The following DLG2 variants were observed in gnomAD, a reference collection of about 807,000 sequenced individuals.
DLG2 encodes disks large homolog 2.
In DLG2, 45 loss-of-function variants were observed where a neutral mutation model predicts 132.5. The observed-to-expected ratio is 0.34, with a 90% confidence interval of 0.27 to 0.44. The LOEUF (loss-of-function observed/expected upper bound fraction) is 0.44. Ranked by LOEUF, DLG2 falls within the 20% of genes least tolerant of loss-of-function variation. The pLI is 1.00. For missense variants in DLG2, 1,045 were observed against 1,196.9 expected, an observed-to-expected ratio of 0.87 and a Z score of 1.87; for synonymous variants, 424 against 419.6, an observed-to-expected ratio of 1.01 and a Z score of -0.13.
At chr11:83,839,624 T>A (rs190595334) in intron 16 of DLG2, among the ~76,000 whole-genome samples, 7 of 152,250 alleles carry the variant, frequency 4.6e-5, no homozygotes, top group African/African-American at 7.2e-5. Context: ...ACAATGAAAA[T>A]TTTTAAAAAC....
intron 19 of DLG2, among the ~76,000 whole-genome samples, chr11:83,552,539 A>T (rs980041574): frequency 2.0e-5 from 3 of 152,140 alleles, no homozygotes; most frequent in African/African-American, 7.2e-5. Context: ...ATTCATCCAG[A>T]TTTACTAGCA....
At chr11:83,723,590 C>T (rs1020333487) in intron 18 of DLG2, among the ~76,000 whole-genome samples, 10 of 152,052 alleles carry the variant, frequency 6.6e-5, no homozygotes, top group South Asian at 2.1e-4. Context: ...AATAGTGGCT[C>T]ACGCCTGTAA....
Position 85,330,794 on chromosome 11 carries a change from A to ATT in DLG2, c.41-45430_41-45429insAA, listed in dbSNP as rs2081664641. Among the ~76,000 whole-genome samples, 4 of 22,558 alleles carry ATT rather than the reference A, an allele frequency of 1.8e-4. No individual in the cohort carries two copies. The East Asian group carries it at 7.8e-3, about 44-fold the overall frequency. 14.8% of individuals were successfully genotyped at this position (22,558 alleles called of 152,430 possible). A position where few individuals can be genotyped will look rare whatever the true frequency, so the allele number is the denominator to read the frequency against. ...GAGTATAATAAAAAAAAAAAAATTA[A>ATT]AAAAAAAAAAAAAAAAAAGAAAAAG... On this transcript the variant is annotated intron_variant, in intron 3 of 27. Coordinates refer to ENST00000376104, the MANE Select transcript of DLG2 (RefSeq NM_001142699.3).
At chr11:85,409,018 T>C (rs572650790) in intron 3 of DLG2, among the ~76,000 whole-genome samples, 2 of 151,940 alleles carry the variant, frequency 1.3e-5, no homozygotes, top group Non-Finnish European at 2.9e-5. Context: ...GAATTATTAT[T>C]ATTATTTCAA....
chr11:85,281,755 G>A (rs148281218), intron 4 of DLG2, among the ~76,000 whole-genome samples: 1 of 152,070 alleles, frequency 6.6e-6, no homozygotes, highest in Non-Finnish European at 1.5e-5. Context: ...GTACACTGTT[G>A]GCAGAAATGC....
intron 11 of DLG2, among the ~76,000 whole-genome samples, chr11:84,042,358 T>G (rs1404035641): frequency 1.3e-5 from 2 of 151,842 alleles, no homozygotes; most frequent in Non-Finnish European, 2.9e-5. Context: ...AGCCTGGATC[T>G]CTCTCATTAT....
At chr11:84,666,315 C>A (rs1304803027) in intron 6 of DLG2, among the ~76,000 whole-genome samples, 3 of 152,122 alleles carry the variant, frequency 2.0e-5, no homozygotes, top group Non-Finnish European at 1.5e-5. Context: ...TATCTAATAG[C>A]CTTCGAACTG....
chr11:85,499,576 T>A (rs958243735), intron 3 of DLG2, among the ~76,000 whole-genome samples: 4 of 151,802 alleles, frequency 2.6e-5, no homozygotes, highest in African/African-American at 9.7e-5. Context: ...AAAGAGGGAA[T>A]CCTCCCTAAC....
At chr11:85,175,090 G>A (rs894367985) in intron 4 of DLG2, among the ~76,000 whole-genome samples, 2 of 151,918 alleles carry the variant, frequency 1.3e-5, no homozygotes, top group South Asian at 4.2e-4. Flanking sequence ...CAAATGAAAG[G>A]AAAGACTCCT....
rs1040394865 is a variant in DLG2 at position 84,214,224 on chromosome 11, T to G, written c.573+37014A>C. Among the ~76,000 whole-genome samples the G allele has an allele frequency of 5.6e-5, 8 of 143,894 alleles. 1 individual carries two copies. The highest frequency in any genetic ancestry group is 2.2e-4 in the African/African-American group (8 of 37,002). The allele number at this position is 143,894 out of a possible 152,430, so 94.4% of individuals were successfully genotyped here. On this transcript the variant is annotated intron_variant, in intron 8 of 27. Coordinates refer to ENST00000376104, the MANE Select transcript of DLG2 (RefSeq NM_001142699.3). Reference sequence around the variant, plus strand: ...ATATATACATATATATATGAATACATATATACATATATATGAATATATATA... The same window carrying G: ...ATATATACATATATATATGAATACAGATATACATATATATGAATATATATA...
At chr11:84,685,988 A>G (rs1409766465) in intron 6 of DLG2, among the ~76,000 whole-genome samples, 1 of 152,030 alleles carries the variant, frequency 6.6e-6, no homozygotes, top group African/African-American at 2.4e-5. Context: ...CGCCCGGCCT[A>G]TTTTCTGTAT....
chr11:85,384,217 T>C (rs76159562), intron 3 of DLG2, among the ~76,000 whole-genome samples: 1,977 of 152,282 alleles, frequency 0.013, 22 homozygotes, highest in Non-Finnish European at 0.022. Flanking sequence ...TATTCTCTTA[T>C]AGATGAAGAA....
chr11:85,135,833 A>G (rs1035138612), intron 5 of DLG2, among the ~76,000 whole-genome samples: 2 of 152,214 alleles, frequency 1.3e-5, no homozygotes, highest in African/African-American at 4.8e-5. Flanking sequence ...AGGAAAAGCT[A>G]GCAAAATCCC....
At chr11:84,633,615 A>G (rs970996092) in intron 6 of DLG2, among the ~76,000 whole-genome samples, 1 of 101,712 alleles carries the variant, frequency 9.8e-6, no homozygotes, top group African/African-American at 3.9e-5. Context: ...ATGACTATTT[A>G]AAAAAAAAAA....
intron 6 of DLG2, among the ~76,000 whole-genome samples, chr11:84,980,132 G>A (rs1032608332): frequency 2.0e-5 from 3 of 152,104 alleles, no homozygotes; most frequent in South Asian, 2.1e-4. Context: ...GCATACCATC[G>A]TGTCAAGTAG....
At position 85,191,162 on chromosome 11, in the gene DLG2, G is replaced by GCGCACACA. The variant is rs34410192; in HGVS notation, c.187-36512_187-36511insTGTGTGCG. Among the ~76,000 whole-genome samples the GCGCACACA allele has an allele frequency of 1.3e-3, 178 of 139,914 alleles. 1 individual carries two copies. Among genetic ancestry groups the GCGCACACA allele is most frequent in the East Asian group, 3.4e-3 (16 of 4,670 alleles). The allele number at this position is 139,914 out of a possible 152,430, so 91.8% of individuals were successfully genotyped here. Reference sequence around the variant, plus strand: ...TATGCATGCGCGCGCGCGCACGCGCGCACACACACACACACACACACACAC... The same window carrying GCGCACACA: ...TATGCATGCGCGCGCGCGCACGCGCGCGCACACACACACACACACACACACACACACAC... On this transcript the variant is annotated intron_variant, in intron 4 of 27. Coordinates refer to ENST00000376104, the MANE Select transcript of DLG2 (RefSeq NM_001142699.3).
intron 19 of DLG2, among the ~76,000 whole-genome samples, chr11:83,598,259 C>T (rs1297301813): frequency 6.6e-6 from 1 of 152,224 alleles, no homozygotes; most frequent in African/African-American, 2.4e-5. Flanking sequence ...TCCTCTTTGG[C>T]TGTTCTTTCA....
At chr11:85,039,808 T>G (rs1026787786) in intron 6 of DLG2, among the ~76,000 whole-genome samples, 27 of 151,980 alleles carry the variant, frequency 1.8e-4, no homozygotes, top group African/African-American at 6.5e-4. Context: ...TATTTGACTT[T>G]GTATCTTTAA....
chr11:85,405,073 A>G (rs1429681404), intron 3 of DLG2, among the ~76,000 whole-genome samples: 1 of 151,952 alleles, frequency 6.6e-6, no homozygotes, highest in Non-Finnish European at 1.5e-5. Context: ...TTGCTGAATG[A>G]CATTCTATTT....
Sources: gnomAD v4.1 joint callset for allele counts (sites outside exome capture counted in the v4.1 genomes callset) on GRCh38, gnomAD v4.1.1 for gene constraint, MANE v1.5 for transcripts, NCBI Gene and HGNC (gene_info 2026-07-23, HGNC 2026-07-21) for gene names.